Variants in CDH4 observed in about 807,000 individuals in gnomAD.
CDH4 encodes the protein cadherin-4.
CDH4 carries 33 observed loss-of-function variants against 86.0 expected under a neutral mutation model. The ratio of observed to expected loss-of-function variants is 0.38; its 90% CI spans 0.29 to 0.51. CDH4 has a LOEUF of 0.51. CDH4 is among the 20% of genes least tolerant of loss of function. CDH4 has a pLI of 0.86. For synonymous variants in CDH4, 555 were observed against 549.4 expected (o/e 1.01, Z -0.14); for missense variants, 1,114 against 1,307.4 (o/e 0.85, Z 2.28).
chr20:61,467,528 C>G (rs767604714), intron 2 of CDH4, among the ~76,000 whole-genome samples: 2 of 152,250 alleles, frequency 1.3e-5, no homozygotes, highest in Non-Finnish European at 2.9e-5. Flanking sequence ...AGGCCAAGGC[C>G]GAAGGATCTC....
chr20:61,452,633 A>G lies in CDH4; in HGVS notation c.169+197696A>G, dbSNP rs551162928. 6.6e-5 allele frequency among the ~76,000 whole-genome samples: 10 copies of G among 152,300 alleles called. No individual in the cohort carries two copies. The East Asian group carries it at 1.7e-3, about 26-fold the overall frequency. On this transcript the variant is annotated intron_variant, in intron 2 of 15. Transcript: ENST00000614565. ...TTTATTCAGTTTTTAAATTTTTCCA[A>G]TTGTTGAAGAGTTTTCCCACACCGT...
chr20:61,505,129 G>A (rs2085731278), intron 2 of CDH4, among the ~76,000 whole-genome samples: 1 of 152,188 alleles, frequency 6.6e-6, no homozygotes, highest in Non-Finnish European at 1.5e-5. Context: ...GGGAAGGGAG[G>A]TGGGTGACGC....
chr20:61,487,380 G>A (rs966268461), intron 2 of CDH4, among the ~76,000 whole-genome samples: 4 of 152,044 alleles, frequency 2.6e-5, no homozygotes, highest in Admixed American at 1.3e-4. Context: ...TATTGGCCTC[G>A]GCTCACCATG....
intron 9 of CDH4, 100 bp downstream of exon 9, chr20:61,910,707 T>G: frequency 8.9e-7 from 1 of 1,117,956 alleles, no homozygotes. Flanking sequence ...GTAAAGTTAC[T>G]GCCCCCCTAA....
intron 7 of CDH4, among the ~76,000 whole-genome samples, chr20:61,882,096 A>C (rs548678956): frequency 2.0e-4 from 31 of 152,306 alleles, no homozygotes; most frequent in Admixed American, 1.6e-3. Flanking sequence ...TCCACCTCGA[A>C]CCTCTGGCCT....
rs531873584 is a variant in CDH4, at chr20:61,264,224, G to A, written c.169+9287G>A. The stretch of plus-strand genomic sequence containing the variant: ...TCCGCACACTAAGGACTTGCTATGC[G>A]TCCCACACTGTGCGGTGACCTTCAT... On this transcript the variant is annotated intron_variant, in intron 2 of 15. Transcript: ENST00000614565. 1.4e-4 allele frequency among the ~76,000 whole-genome samples: 22 copies of A among 152,236 alleles called. No homozygotes were observed. The South Asian group carries it at 2.3e-3, about 16-fold the overall frequency.
At chr20:61,867,528 C>T (rs899786133) in intron 6 of CDH4, among the ~76,000 whole-genome samples, 35 of 141,652 alleles carry the variant, frequency 2.5e-4, no homozygotes, top group Non-Finnish European at 4.1e-4. Context: ...CCTGCCTGGG[C>T]GACAGAGCAA....
chr20:61,419,394 C>T (rs533557185), intron 2 of CDH4, among the ~76,000 whole-genome samples: 13 of 152,304 alleles, frequency 8.5e-5, no homozygotes, highest in Non-Finnish European at 8.8e-5. Context: ...TAGGCAAGTT[C>T]GTGGTGCCTC....
At chr20:61,778,561 G>C (rs1243909657) in intron 4 of CDH4, among the ~76,000 whole-genome samples, 1 of 152,124 alleles carries the variant, frequency 6.6e-6, no homozygotes, top group African/African-American at 2.4e-5. Flanking sequence ...GGGCTGTGGA[G>C]CCAGGGGTAT....
chr20:61,670,544 C>T (rs1328284853), intron 2 of CDH4, among the ~76,000 whole-genome samples: 2 of 152,178 alleles, frequency 1.3e-5, no homozygotes, highest in Non-Finnish European at 2.9e-5. Flanking sequence ...CTACCGAATA[C>T]TGGAGGTACC....
chr20:61,350,107 A>C (rs188568631), intron 2 of CDH4, among the ~76,000 whole-genome samples: 2,655 of 125,506 alleles, frequency 0.021, 60 homozygotes, highest in African/African-American at 0.064. Flanking sequence ...TCAGGCAGAC[A>C]CCTCCCCCTC....
chr20:61,566,446 C>T (rs1023111047), intron 2 of CDH4, among the ~76,000 whole-genome samples: 4 of 152,158 alleles, frequency 2.6e-5, no homozygotes, highest in South Asian at 2.1e-4. Context: ...CTATTTACCA[C>T]GAGCCGGAGA....
rs2087448961 is a variant in CDH4 at position 61,676,772 on chromosome 20, G to A, written c.170-66791G>A. Reference sequence around the variant, plus strand: ...CATTTCAGAAGGTGGTGTTTGCTGCGAGAAAGGGAAAGTGGGATCAGGATG... The same window carrying A: ...CATTTCAGAAGGTGGTGTTTGCTGCAAGAAAGGGAAAGTGGGATCAGGATG... On this transcript the variant is annotated intron_variant, in intron 2 of 15. Coordinates refer to ENST00000614565, the MANE Select transcript of CDH4 (RefSeq NM_001794.5). The surrounding 1 kb of genome is among the most constrained non-coding windows in gnomAD (Gnocchi z 4.5). Among the ~76,000 whole-genome samples the A allele has an allele frequency of 6.6e-6, 1 of 152,244 alleles. No homozygotes were observed. The highest frequency in any genetic ancestry group is 6.5e-5 in the Admixed American group (1 of 15,284).
chr20:61,760,827 C>T (rs2088624750), intron 3 of CDH4, among the ~76,000 whole-genome samples: 1 of 152,106 alleles, frequency 6.6e-6, no homozygotes, highest in Non-Finnish European at 1.5e-5. Context: ...GTGGGTTTGG[C>T]CCCTACTGGT....
intron 2 of CDH4, among the ~76,000 whole-genome samples, chr20:61,614,610 T>C (rs2086711285): frequency 6.6e-6 from 1 of 152,116 alleles, no homozygotes; most frequent in South Asian, 2.1e-4. Flanking sequence ...AGTGTCAGAA[T>C]TGAATTGAAT....
chr20:61,798,284 G>A (rs560147943), intron 4 of CDH4, among the ~76,000 whole-genome samples: 89 of 152,256 alleles, frequency 5.8e-4, no homozygotes, highest in African/African-American at 1.9e-3. Context: ...GTGTGGTCCC[G>A]CCTCGCACGC....
At chr20:61,826,631 A>C (rs2146075106) in intron 4 of CDH4, among the ~76,000 whole-genome samples, 1 of 152,342 alleles carries the variant, frequency 6.6e-6, no homozygotes, top group African/African-American at 2.4e-5. Context: ...AGAGAAGGAA[A>C]CATTTTCAGC....
intron 2 of CDH4, among the ~76,000 whole-genome samples, chr20:61,425,476 T>G (rs1387435178): frequency 6.6e-6 from 1 of 151,742 alleles, no homozygotes; most frequent in Non-Finnish European, 1.5e-5. Context: ...AAACCCCATG[T>G]CTCCAGCCTG....
chr20:61,518,082 A>G lies in CDH4; in HGVS notation c.170-225481A>G, dbSNP rs1265160991. Among the ~76,000 whole-genome samples the G allele has an allele frequency of 1.3e-5, 2 of 152,204 alleles. No individual in the cohort carries two copies. Among genetic ancestry groups the G allele is most frequent in the African/African-American group, 2.4e-5 (1 of 41,452 alleles). ...TTTTCCCCATGCAGATAAGGCCCTC[A>G]GTTTTCTAAAGAATTTGCAAGAAAT... On this transcript the variant is annotated intron_variant, in intron 2 of 15. Transcript: ENST00000614565. The surrounding 1 kb of genome is among the most constrained non-coding windows in gnomAD (Gnocchi z 6.3).
Sources: allele counts gnomAD v4.1 joint callset (sites outside exome capture counted in the v4.1 genomes callset), GRCh38; gene constraint gnomAD v4.1.1; non-coding constraint Gnocchi (gnomAD v3.1); transcripts MANE v1.5; gene names NCBI Gene and HGNC (gene_info 2026-07-23, HGNC 2026-07-21).